Variants in FAM13C observed in about 807,000 individuals in gnomAD.
FAM13C encodes the protein protein FAM13C.
Under a neutral mutation model 73.2 loss-of-function variants are expected in FAM13C, and 37 were observed. The observed-to-expected ratio is 0.51, with a 90% confidence interval of 0.39 to 0.67. The LOEUF is 0.67. FAM13C is among the 30% of genes least tolerant of loss of function. FAM13C has a pLI of 0.00. For synonymous variants in FAM13C, 246 were observed against 260.9 expected, an observed-to-expected ratio of 0.94 and a Z score of 0.55; for missense variants, 589 against 715.6, an observed-to-expected ratio of 0.82 and a Z score of 2.02.
rs545614292 is a variant in FAM13C at position 59,247,429 on chromosome 10, T to C, written c.*185A>G. On this transcript the variant is annotated 3_prime_UTR_variant, in exon 14 of 14. Transcript: ENST00000618804. The stretch of plus-strand genomic sequence containing the variant: ...AATTATATGGCTACCTGTTGTATTC[T>C]TCCCCCCGTTTAAATCCCTTCTCCT... The C allele has an allele frequency of 3.0e-6, 2 of 658,292 alleles. No individual in the cohort carries two copies. Among genetic ancestry groups the C allele is most frequent in the South Asian group, 2.0e-5 (1 of 49,410 alleles). The allele number at this position is 658,292 out of a possible 1,614,324, so 40.8% of individuals were successfully genotyped here.
intron 4 of FAM13C, among the ~76,000 whole-genome samples, chr10:59,311,113 T>C (rs1283987329): frequency 6.6e-6 from 1 of 152,072 alleles, no homozygotes; most frequent in Non-Finnish European, 1.5e-5. Context: ...AAACTTCAAA[T>C]ACAGGGCAGC....
intron 5 of FAM13C, among the ~76,000 whole-genome samples, chr10:59,286,805 G>A (rs903196752): frequency 4.0e-5 from 6 of 151,198 alleles, no homozygotes; most frequent in Admixed American, 1.3e-4. Flanking sequence ...AGGTCAAGGC[G>A]GTGGATCACC....
intron 1 of FAM13C, among the ~76,000 whole-genome samples, chr10:59,356,626 C>T (rs1855740105): frequency 6.6e-6 from 1 of 152,186 alleles, no homozygotes; most frequent in Non-Finnish European, 1.5e-5. Context: ...TCATCCTTCA[C>T]TGCCCAAGTC....
chr10:59,347,513 C>T (rs536520717), intron 3 of FAM13C, among the ~76,000 whole-genome samples: 1 of 151,498 alleles, frequency 6.6e-6, no homozygotes, highest in South Asian at 2.1e-4. Context: ...ATCTGCCCCA[C>T]ACCTATTTTT....
chr10:59,300,587 T>C (rs1203919625), intron 5 of FAM13C: 1 of 152,188 alleles, frequency 6.6e-6, no homozygotes, highest in Non-Finnish European at 1.5e-5. Context: ...AAACAGCTCA[T>C]AGTAATAAAG....
chr10:59,328,072 C>T (rs1174520137), intron 3 of FAM13C, among the ~76,000 whole-genome samples: 1 of 152,184 alleles, frequency 6.6e-6, no homozygotes, highest in Non-Finnish European at 1.5e-5. Context: ...CATCTACCCT[C>T]CACCTCACCC....
intron 4 of FAM13C, among the ~76,000 whole-genome samples, chr10:59,309,091 C>T (rs532147021): frequency 5.9e-5 from 9 of 152,320 alleles, no homozygotes; most frequent in African/African-American, 2.2e-4. Context: ...TGAAAAGCTT[C>T]CCCATCTTGC....
chr10:59,313,172 C>T (rs1442132732), intron 4 of FAM13C, among the ~76,000 whole-genome samples: 1 of 152,174 alleles, frequency 6.6e-6, no homozygotes, highest in African/African-American at 2.4e-5. Flanking sequence ...AGAAACATGT[C>T]CCTGTCATTG....
intron 4 of FAM13C, among the ~76,000 whole-genome samples, chr10:59,309,328 C>T (rs1848661327): frequency 6.6e-6 from 1 of 152,132 alleles, no homozygotes; most frequent in South Asian, 2.1e-4. Context: ...TTCCCCTCTA[C>T]CCTCCTCAGG....
At chr10:59,290,291 T>A (rs924201271) in intron 5 of FAM13C, among the ~76,000 whole-genome samples, 4 of 152,194 alleles carry the variant, frequency 2.6e-5, no homozygotes, top group African/African-American at 9.7e-5. Flanking sequence ...AGGCACAGCT[T>A]ACATTTAGTT....
Position 59,246,494 on chromosome 10 carries a change from A to G in FAM13C, c.*1120T>C. ...ATCATACTTAAACATTACAGAAAAT[A>G]GAAATACAAACAAGGTTGGTACATG... On this transcript the variant is annotated 3_prime_UTR_variant, in exon 14 of 14. Coordinates refer to ENST00000618804, the MANE Select transcript of FAM13C (RefSeq NM_198215.4). 5.1e-6 allele frequency: 2 copies of G among 388,726 alleles called. No homozygotes were observed. Among genetic ancestry groups the G allele is most frequent in the Non-Finnish European group, 9.1e-6 (2 of 219,662 alleles). The allele number at this position is 388,726 out of a possible 1,614,324, so 24.1% of individuals were successfully genotyped here.
intron 6 of FAM13C, among the ~76,000 whole-genome samples, chr10:59,282,391 CTTTT>C (rs1339176269): frequency 7.2e-5 from 11 of 152,068 alleles, no homozygotes; most frequent in Non-Finnish European, 1.5e-5. Flanking sequence ...TGTTTTCTTT[CTTTT>C]TTCTTTAAAA....
intron 5 of FAM13C, among the ~76,000 whole-genome samples, chr10:59,287,427 A>G (rs1476325797): frequency 6.6e-6 from 1 of 151,856 alleles, no homozygotes; most frequent in South Asian, 2.1e-4. Flanking sequence ...AATGAAAGGT[A>G]AAGTAAAAAG....
chr10:59,257,321 C>CT lies in FAM13C; in HGVS notation c.1237-2879dup, dbSNP rs1309940673. Reference sequence around the variant, plus strand: ...GGCTTTCCAAGAGACATAACTGCTACTGAGGGGTCAGCCCAAATTAGTTTC... The same window carrying CT: ...GGCTTTCCAAGAGACATAACTGCTACTTGAGGGGTCAGCCCAAATTAGTTTC... On this transcript the variant is annotated intron_variant, in intron 10 of 13. Coordinates refer to ENST00000618804, the MANE Select transcript of FAM13C (RefSeq NM_198215.4). 5.3e-5 allele frequency among the ~76,000 whole-genome samples: 8 copies of CT among 152,314 alleles called. No homozygotes were observed. In the South Asian group the frequency reaches 6.2e-4, roughly 12 times the overall value.
chr10:59,314,133 G>A (rs1268827605), intron 4 of FAM13C, among the ~76,000 whole-genome samples: 1 of 152,168 alleles, frequency 6.6e-6, no homozygotes, highest in Non-Finnish European at 1.5e-5. Flanking sequence ...GCTGGGCTCT[G>A]AGATGAGATT....
chr10:59,292,734 T>C (rs1846410521), intron 5 of FAM13C, among the ~76,000 whole-genome samples: 1 of 152,218 alleles, frequency 6.6e-6, no homozygotes, highest in Non-Finnish European at 1.5e-5. Flanking sequence ...CACATAATAA[T>C]TATACATATT....
Position 59,298,370 on chromosome 10 carries a change from A to C in FAM13C, c.507+4431T>G, listed in dbSNP as rs181595698. On this transcript the variant is annotated intron_variant, in intron 5 of 13. Transcript: ENST00000618804. ...ACAAACTCATATTCACTCAACTGAC[A>C]TTGTTTTATCCAAAAGGTAAATGCA... Among the ~76,000 whole-genome samples, 5 of 152,344 alleles carry C rather than the reference A, an allele frequency of 3.3e-5. No individual in the cohort carries two copies. In the East Asian group the frequency reaches 9.6e-4, roughly 29 times the overall value.
chr10:59,320,625 C>A (rs1269834223), intron 4 of FAM13C, among the ~76,000 whole-genome samples: 2 of 152,166 alleles, frequency 1.3e-5, no homozygotes, highest in South Asian at 2.1e-4. Context: ...GAGACTCCAG[C>A]ACAGCCACAT....
chr10:59,283,293 G>A (rs1290582367), intron 6 of FAM13C, 70 bp downstream of exon 6: 8 of 1,507,482 alleles, frequency 5.3e-6, no homozygotes, highest in East Asian at 2.3e-5. Flanking sequence ...CTCAGGCTGA[G>A]TGTGAACCAG....
Sources: gnomAD v4.1 joint callset for allele counts (sites outside exome capture counted in the v4.1 genomes callset) on GRCh38, gnomAD v4.1.1 for gene constraint, MANE v1.5 for transcripts, NCBI Gene and HGNC (gene_info 2026-07-23, HGNC 2026-07-21) for gene names.